The following FCN2 variants were observed in gnomAD, a reference collection of about 807,000 sequenced individuals.
FCN2 encodes ficolin 2.
FCN2 carries 31 observed loss-of-function variants against 32.5 expected under a neutral mutation model. That is an observed-to-expected ratio of 0.96 (90% CI 0.72 to 1.29). FCN2 has a LOEUF of 1.29. Among genes scored for constraint, FCN2 ranks in the 50% most tolerant of loss-of-function variants. The probability of loss-of-function intolerance (pLI) is 0.00; values close to 1 mark genes in which losing one functional copy is unlikely to be tolerated. For missense variants in FCN2, 412 were observed against 406.5 expected (o/e 1.01, Z -0.12); for synonymous variants, 181 against 164.5 (o/e 1.10, Z -0.77).
At chr9:134,882,461 A>G (rs1351681943) in intron 1 of FCN2, 65 bp from the exon 2 acceptor site, 14 of 1,308,476 alleles carry the variant, frequency 1.1e-5, no homozygotes, top group Non-Finnish European at 1.4e-5. Context: ...TGAGTGGTAT[A>G]TCTATGGCTC....
upstream of FCN2, among the ~76,000 whole-genome samples, chr9:134,879,816 C>G (rs1419096998): frequency 6.6e-6 from 1 of 152,162 alleles, no homozygotes; most frequent in Admixed American, 6.5e-5. Flanking sequence ...AGGAAGAAGG[C>G]ACCTCGGCAT....
At chr9:134,873,593 C>T in the FCN2 span, among the ~76,000 whole-genome samples, 1 of 152,214 alleles carries the variant, frequency 6.6e-6, no homozygotes, top group Non-Finnish European at 1.5e-5. Context: ...TGCATTTTGC[C>T]ATGTACGGTT....
At chr9:134,866,037 C>A in the FCN2 span, among the ~76,000 whole-genome samples, 1 of 151,290 alleles carries the variant, frequency 6.6e-6, no homozygotes, top group Non-Finnish European at 1.5e-5. Flanking sequence ...TAGGAAGAAT[C>A]AATATTGTGA....
Position 134,882,606 on chromosome 9 carries a change from C to T in FCN2, c.181C>T (p.Pro61Ser). The T allele has an allele frequency of 1.2e-6, 2 of 1,613,840 alleles. No homozygotes were observed. The highest frequency in any genetic ancestry group is 1.7e-6 in the Non-Finnish European group (2 of 1,179,834). ...TCCGGGGCTGCCTGGGGCCCCTGGG[C>T]CCAAGGGAGAGGCAGGCACCAATGG... ...GCPGLPGAPG[P>S]KGEAGTNGKR... Residue 61 changes from proline to serine, a missense_variant, in exon 2 of 8, where the codon CCC becomes TCC. Transcript: ENST00000291744.
upstream of FCN2, among the ~76,000 whole-genome samples, chr9:134,879,412 T>A (rs752913687): frequency 2.0e-5 from 3 of 152,210 alleles, no homozygotes; most frequent in Admixed American, 6.5e-5. Flanking sequence ...GAAGGACAAA[T>A]AGCATGCAGT....
chr9:134,868,801 T>C, the FCN2 span, among the ~76,000 whole-genome samples: 1 of 152,246 alleles, frequency 6.6e-6, no homozygotes, highest in Non-Finnish European at 1.5e-5. The surrounding 1 kb of genome is among the most constrained non-coding windows in gnomAD (Gnocchi z 4.3). Flanking sequence ...GTGCTGCTCA[T>C]CCGTCCTTGC....
chr9:134,866,121 A>G, the FCN2 span, among the ~76,000 whole-genome samples: 152 of 151,162 alleles, frequency 1.0e-3, no homozygotes, highest in African/African-American at 3.5e-3. Context: ...CTTTCTTCAC[A>G]GAATTGGAAA....
chr9:134,884,887 G>T, intron 4 of FCN2, 115 bp downstream of exon 4: 1 of 987,124 alleles, frequency 1.0e-6, no homozygotes, highest in Non-Finnish European at 1.6e-6. Context: ...GAAGAAAATG[G>T]TTGCTTGCCC....
chr9:134,871,729 A>G, the FCN2 span, among the ~76,000 whole-genome samples: 1 of 152,140 alleles, frequency 6.6e-6, no homozygotes, highest in African/African-American at 2.4e-5. Context: ...GAGAGGAAAG[A>G]GCCATCGGAA....
chr9:134,886,313 C>T lies in FCN2; in HGVS notation c.560-117C>T. ...GGCCCCGGGGATGCTGCGGTGCTCT[C>T]CGCCCTCTGCCTCCATGGAGTCCAG... is the stretch of plus-strand genomic sequence containing the variant. On this transcript the variant is annotated intron_variant, in intron 6 of 7. Transcript: ENST00000291744. The T allele has an allele frequency of 3.2e-6, 4 of 1,246,078 alleles. No individual in the cohort carries two copies. In the South Asian group the frequency reaches 4.8e-5, roughly 15 times the overall value. The allele number at this position is 1,246,078 out of a possible 1,614,324, so 77.2% of individuals were successfully genotyped here. A position where few individuals can be genotyped will look rare whatever the true frequency, so the allele number is the denominator to read the frequency against.
rs549981219 is a variant in FCN2, at chr9:134,882,902, G to A, written c.214+263G>A. Among the ~76,000 whole-genome samples, 5 of 151,712 alleles carry A rather than the reference G, an allele frequency of 3.3e-5. No individual in the cohort carries two copies. The South Asian group carries it at 6.2e-4, about 19-fold the overall frequency. ...GATCCAATACCAGCTTTGCTCGGCCGCTGGCACGACTTCAAGCTCTGTGTC... is the reference window on the plus strand; with the variant it reads ...GATCCAATACCAGCTTTGCTCGGCCACTGGCACGACTTCAAGCTCTGTGTC... On this transcript the variant is annotated intron_variant, in intron 2 of 7. Coordinates refer to ENST00000291744, the MANE Select transcript of FCN2 (RefSeq NM_004108.3).
the FCN2 span, among the ~76,000 whole-genome samples, chr9:134,865,586 TAAAA>T: frequency 6.6e-6 from 1 of 151,784 alleles, no homozygotes; most frequent in Non-Finnish European, 1.5e-5. Context: ...ATTAAGCAAA[TAAAA>T]AAAGTGGTCT....
chr9:134,881,115 CG>C (rs1830657952), intron 1 of FCN2, among the ~76,000 whole-genome samples, 194 bp downstream of exon 1: 1 of 152,210 alleles, frequency 6.6e-6, no homozygotes, highest in Non-Finnish European at 1.5e-5. Context: ...ATCTCAGAGA[CG>C]GAGCTTCCTC....
rs748376622 is a variant in FCN2 at position 134,881,470 on chromosome 9, C to T, written c.100+549C>T. Among the ~76,000 whole-genome samples the T allele has an allele frequency of 7.9e-5, 12 of 152,238 alleles. No individual in the cohort carries two copies. The South Asian group carries it at 1.0e-3, about 13-fold the overall frequency. ...GTCCCCGTGAGTTCTGGACCTCCTT[C>T]GGGGCTCCCGAGGGGACACTCGGGT... is the stretch of plus-strand genomic sequence containing the variant. On this transcript the variant is annotated intron_variant, in intron 1 of 7. Transcript: ENST00000291744.
the FCN2 span, among the ~76,000 whole-genome samples, chr9:134,869,362 G>C: frequency 6.6e-6 from 1 of 152,218 alleles, no homozygotes; most frequent in Non-Finnish European, 1.5e-5. Context: ...TAGCCAGAAA[G>C]CTGAGCCCAC....
At position 134,887,292 on chromosome 9, in the gene FCN2, A is replaced by C. The variant is rs755578287; in HGVS notation, c.819A>C (p.Ser273=). 9 of 1,614,244 alleles carry C rather than the reference A, an allele frequency of 5.6e-6. No individual in the cohort carries two copies. In the South Asian group the frequency reaches 8.8e-5, roughly 16 times the overall value. ...GGTGGTACAAAAACTGCCATGTGTC[A>C]AACCTGAATGGTCGCTACCTCAGGG... ...GAWWYKNCHV[S]NLNGRYLRGT... Residue 273 remains serine, a synonymous_variant, in exon 8 of 8, where the codon TCA becomes TCC. Transcript: ENST00000291744.
chr9:134,883,272 T>C (rs1830691998), intron 2 of FCN2, 30 bp from the exon 3 acceptor site: 16 of 1,596,136 alleles, frequency 1.0e-5, no homozygotes, highest in Non-Finnish European at 1.4e-5. Flanking sequence ...TGGGCAGTTT[T>C]CCTCAAGTCA....
chr9:134,887,466 G>C lies in FCN2; in HGVS notation c.*51G>C. 1 of 1,580,032 alleles carries C rather than the reference G, an allele frequency of 6.3e-7. No homozygotes were observed. The highest frequency in any genetic ancestry group is 8.7e-7 in the Non-Finnish European group (1 of 1,151,024). On this transcript the variant is annotated 3_prime_UTR_variant, in exon 8 of 8. Transcript: ENST00000291744. Reference sequence around the variant, plus strand: ...GCCTCCACACATAGTTGGTTGGGGGGTAGGGTTGGGAGCTTGGCCCTACGG... The same window carrying C: ...GCCTCCACACATAGTTGGTTGGGGGCTAGGGTTGGGAGCTTGGCCCTACGG...
the FCN2 span, among the ~76,000 whole-genome samples, chr9:134,864,206 C>T: frequency 6.6e-6 from 1 of 152,340 alleles, no homozygotes; most frequent in South Asian, 2.1e-4. Flanking sequence ...AGATTCTCTG[C>T]AAGAGATTTC....
Sources: gnomAD v4.1 joint callset for allele counts (sites outside exome capture counted in the v4.1 genomes callset) on GRCh38, gnomAD v4.1.1 for gene constraint, Gnocchi (gnomAD v3.1) non-coding constraint, MANE v1.5 for transcripts, NCBI Gene and HGNC (gene_info 2026-07-23, HGNC 2026-07-21) for gene names.